Variants in XRCC5 observed in about 807,000 individuals in gnomAD.
XRCC5 encodes X-ray repair cross complementing 5.
In XRCC5, 12 loss-of-function variants were observed where a neutral mutation model predicts 95.7. The observed-to-expected ratio is 0.13, with a 90% CI of 0.08 to 0.20. XRCC5 has a LOEUF of 0.20. Among genes scored for constraint, XRCC5 ranks in the 10% least tolerant of loss-of-function variants. The pLI, the probability that XRCC5 is intolerant of heterozygous loss-of-function variation, is 1.00. For synonymous variants in XRCC5, 281 were observed against 290.3 expected (o/e 0.97, Z 0.33); for missense variants, 595 against 873.9 (o/e 0.68, Z 4.02).
At chr2:216,203,182 A>T (rs1241121291) in intron 19 of XRCC5, among the ~76,000 whole-genome samples, 1 of 152,118 alleles carries the variant, frequency 6.6e-6, no homozygotes, top group Non-Finnish European at 1.5e-5. Flanking sequence ...AGGCTCTCTC[A>T]CCGCGTGCCT....
At chr2:216,150,146 G>A (rs1574467063) in intron 14 of XRCC5, among the ~76,000 whole-genome samples, 1 of 152,102 alleles carries the variant, frequency 6.6e-6, no homozygotes, top group Non-Finnish European at 1.5e-5. Flanking sequence ...CAATGTTTTT[G>A]TATATATTCA....
chr2:216,109,389 C>A lies in XRCC5; in HGVS notation c.-48C>A. 1.2e-6 allele frequency: 2 copies of A among 1,612,900 alleles called. No individual in the cohort carries two copies. The highest frequency in any genetic ancestry group is 1.7e-6 in the Non-Finnish European group (2 of 1,179,514). ...CCACCGGAAGCGAGTTGCGACACGGCAGGTTCCCGCCCGGAAGAAGCGACC... is the reference window on the plus strand; with the variant it reads ...CCACCGGAAGCGAGTTGCGACACGGAAGGTTCCCGCCCGGAAGAAGCGACC... On this transcript the variant is annotated 5_prime_UTR_variant, in exon 1 of 21. Transcript: ENST00000392132.
chr2:216,180,008 A>T (rs1218941310), intron 16 of XRCC5, among the ~76,000 whole-genome samples: 5 of 152,158 alleles, frequency 3.3e-5, no homozygotes, highest in South Asian at 2.1e-4. Context: ...AGAGTGTGTG[A>T]GAGAGAAAAA....
At chr2:216,134,604 T>G (rs1187189861) in intron 10 of XRCC5, among the ~76,000 whole-genome samples, 1 of 151,948 alleles carries the variant, frequency 6.6e-6, no homozygotes, top group East Asian at 1.9e-4. Context: ...ATTTTTGTAT[T>G]TTTTGTAGAG....
chr2:216,133,834 T>C (rs2106010568), intron 10 of XRCC5, among the ~76,000 whole-genome samples: 1 of 152,298 alleles, frequency 6.6e-6, no homozygotes, highest in South Asian at 2.1e-4. Flanking sequence ...AACAATGTCA[T>C]ATGAGGACTT....
intron 8 of XRCC5, among the ~76,000 whole-genome samples, chr2:216,129,865 A>T (rs764204677): frequency 6.6e-6 from 1 of 151,976 alleles, no homozygotes; most frequent in Non-Finnish European, 1.5e-5. Context: ...TTTAGTAGAG[A>T]CAGAGTTTCA....
intron 16 of XRCC5, among the ~76,000 whole-genome samples, chr2:216,186,962 G>A (rs745599050): frequency 6.6e-6 from 1 of 152,154 alleles, no homozygotes; most frequent in African/African-American, 2.4e-5. Context: ...CTTTGGAAAG[G>A]AAGTCTCTTG....
intron 12 of XRCC5, among the ~76,000 whole-genome samples, chr2:216,138,730 G>C (rs1405888423): frequency 6.6e-6 from 1 of 152,250 alleles, no homozygotes; most frequent in East Asian, 1.9e-4. Flanking sequence ...ATTATTCTTA[G>C]AGCCACAGGT....
At chr2:216,147,718 G>A (rs1688665824) in intron 13 of XRCC5, among the ~76,000 whole-genome samples, 1 of 152,096 alleles carries the variant, frequency 6.6e-6, no homozygotes, top group South Asian at 2.1e-4. Flanking sequence ...GAGATAAAAG[G>A]ATTATAACAA....
intron 3 of XRCC5, chr2:216,117,482 C>T: frequency 6.5e-6 from 3 of 464,662 alleles, no homozygotes; most frequent in Non-Finnish European, 1.2e-5. Flanking sequence ...TATTAAATGA[C>T]ATAATTTTTG....
At chr2:216,149,488 C>G (rs1024301502) in intron 14 of XRCC5, among the ~76,000 whole-genome samples, 1 of 152,170 alleles carries the variant, frequency 6.6e-6, no homozygotes, top group African/African-American at 2.4e-5. Context: ...AATTCACTTT[C>G]CCCCTGCTAT....
chr2:216,199,808 A>ATTTTTTTTTT (rs879564899), intron 19 of XRCC5, among the ~76,000 whole-genome samples: 2 of 121,890 alleles, frequency 1.6e-5, no homozygotes, highest in Non-Finnish European at 1.6e-5. Context: ...TGGCATTGGG[A>ATTTTTTTTTT]TCTTTTTTTT....
intron 16 of XRCC5, among the ~76,000 whole-genome samples, chr2:216,171,855 T>C (rs1022854639): frequency 6.6e-6 from 1 of 152,264 alleles, no homozygotes; most frequent in African/African-American, 2.4e-5. Context: ...TTATTAATTC[T>C]ACTTTTTAAA....
intron 16 of XRCC5, chr2:216,175,407 G>T: frequency 1.9e-6 from 1 of 516,654 alleles, no homozygotes; most frequent in South Asian, 1.4e-5. Context: ...TCACCTCTGT[G>T]ATCCTGCAGA....
intron 16 of XRCC5, among the ~76,000 whole-genome samples, chr2:216,184,669 C>T (rs767619324): frequency 3.3e-5 from 5 of 152,110 alleles, no homozygotes; most frequent in African/African-American, 7.2e-5. Context: ...TTTTAGTAGA[C>T]GGGGTTTCGC....
rs1553579201 is a variant in XRCC5 at position 216,187,861 on chromosome 2, T to TCCCCC, written c.1835-2360_1835-2359insCCCCC. Among the ~76,000 whole-genome samples, 85 of 116,264 alleles carry TCCCCC rather than the reference T, an allele frequency of 7.3e-4. 1 individual carries two copies. The highest frequency in any genetic ancestry group is 3.3e-3 in the African/African-American group (80 of 23,900). 76.3% of individuals were successfully genotyped at this position (116,264 alleles called of 152,430 possible). On this transcript the variant is annotated intron_variant, in intron 16 of 20. Coordinates refer to ENST00000392132, the MANE Select transcript of XRCC5 (RefSeq NM_021141.4). Reference sequence around the variant, plus strand: ...CTCTCTCTCTCTCTCTCTCTCTCTCTCCCCGTCTCCCTGTCTCTCCCTCTC... The same window carrying TCCCCC: ...CTCTCTCTCTCTCTCTCTCTCTCTCTCCCCCCCCCGTCTCCCTGTCTCTCCCTCTC...
rs989314990 is a variant in XRCC5, at chr2:216,156,482, C to A, written c.1671-3586C>A. 46 of 659,264 alleles carry A rather than the reference C, an allele frequency of 7.0e-5. No individual in the cohort carries two copies. The African/African-American group carries it at 7.4e-4, about 11-fold the overall frequency. 40.8% of individuals were successfully genotyped at this position (659,264 alleles called of 1,614,324 possible). ...CTGGTCAGATCTACATAAGCCTCATCGATGCTGACGCATTCAATCACAGCA... is the reference window on the plus strand; with the variant it reads ...CTGGTCAGATCTACATAAGCCTCATAGATGCTGACGCATTCAATCACAGCA... On this transcript the variant is annotated intron_variant, in intron 14 of 20. Transcript: ENST00000392132.
chr2:216,189,649 A>G (rs996571297), intron 16 of XRCC5, among the ~76,000 whole-genome samples: 1 of 152,226 alleles, frequency 6.6e-6, no homozygotes, highest in African/African-American at 2.4e-5. Context: ...GGTCCAGCTA[A>G]GGGCATAAGG....
rs114294058 is a variant in XRCC5 at position 216,181,104 on chromosome 2, C to T, written c.1835-9121C>T. On this transcript the variant is annotated intron_variant, in intron 16 of 20. Coordinates refer to ENST00000392132, the MANE Select transcript of XRCC5 (RefSeq NM_021141.4). The stretch of plus-strand genomic sequence containing the variant: ...CTGGGAATACAGGCACGAACCACTG[C>T]GCCCGGCCTTGAGTTTCTTCATTGG... Among the ~76,000 whole-genome samples the T allele has an allele frequency of 5.7e-3, 868 of 152,186 alleles. 8 individuals are homozygous for T. Among genetic ancestry groups the T allele is most frequent in the African/African-American group, 0.019 (808 of 41,508 alleles).
Sources: gnomAD v4.1 joint callset for allele counts (sites outside exome capture counted in the v4.1 genomes callset) on GRCh38, gnomAD v4.1.1 for gene constraint, MANE v1.5 for transcripts, NCBI Gene and HGNC (gene_info 2026-07-23, HGNC 2026-07-21) for gene names.